The following DMD variants were observed in gnomAD, a reference collection of about 807,000 sequenced individuals.
DMD encodes mutant dystrophin.
DMD carries 63 observed loss-of-function variants against 330.1 expected under a neutral mutation model. The observed-to-expected ratio is 0.19, with a 90% CI of 0.16 to 0.24. DMD has a LOEUF of 0.24. Among genes scored for constraint, DMD ranks in the 10% least tolerant of loss-of-function variants. The pLI is 1.00. For synonymous variants in DMD, 1,223 were observed against 959.8 expected (o/e 1.27, Z -5.07); for missense variants, 3,344 against 2,684.1 (o/e 1.25, Z -5.43).
intron 43 of DMD, among the ~76,000 whole-genome samples, chrX:32,266,786 A>C (rs1297675786): frequency 1.8e-5 from 2 of 111,986 alleles, no homozygotes; most frequent in Non-Finnish European, 3.8e-5. Context: ...GCAGCCAATA[A>C]ATAGTTGTAT....
intron 52 of DMD, among the ~76,000 whole-genome samples, chrX:31,703,325 A>C (rs187581590): frequency 8.9e-6 from 1 of 112,452 alleles, no homozygotes; most frequent in African/African-American, 3.2e-5. Context: ...CTACACAGGA[A>C]GGAGCCCTAG....
chrX:31,320,710 G>C (rs1415557800), intron 62 of DMD, among the ~76,000 whole-genome samples: 2 of 111,942 alleles, frequency 1.8e-5, no homozygotes, highest in Non-Finnish European at 3.8e-5. Context: ...TACTGACAAT[G>C]TTCATTTTAT....
intron 1 of DMD, among the ~76,000 whole-genome samples, chrX:33,081,296 C>T (rs999521272): frequency 7.2e-5 from 8 of 111,537 alleles, no homozygotes; most frequent in African/African-American, 2.3e-4. Context: ...CTTTTTAAGA[C>T]GGAGTCTCGC....
At chrX:32,496,135 T>G (rs1389151589) in intron 19 of DMD, among the ~76,000 whole-genome samples, 1 of 112,160 alleles carries the variant, frequency 8.9e-6, no homozygotes, top group Non-Finnish European at 1.9e-5. Context: ...ATGCAAGTAC[T>G]TCAGAACTGC....
In DMD at chrX:32,615,706, T is replaced by A. The variant is rs775592935; in HGVS notation, c.1332-1253A>T. ...GTGCACACATAGCTGAGAGTGTTTT[T>A]TAACAGATTTAATTTTTTGGCTGTT... On this transcript the variant is annotated intron_variant, in intron 11 of 78. Transcript: ENST00000357033. 2.7e-5 allele frequency among the ~76,000 whole-genome samples: 3 copies of A among 111,365 alleles called. No homozygotes were observed. The East Asian group carries it at 8.5e-4, about 32-fold the overall frequency.
intron 63 of DMD, among the ~76,000 whole-genome samples, chrX:31,254,296 C>A (rs1488549211): frequency 9.1e-6 from 1 of 110,309 alleles, no homozygotes; most frequent in Non-Finnish European, 1.9e-5. Flanking sequence ...AAAAAGGAAC[C>A]ATTGGGGAAC....
At chrX:33,186,704 T>G (rs2148766886) in intron 1 of DMD, among the ~76,000 whole-genome samples, 1 of 111,610 alleles carries the variant, frequency 9.0e-6, no homozygotes, top group South Asian at 3.8e-4. Flanking sequence ...TATAAGAATA[T>G]TGAAGTAATC....
At chrX:32,509,860 A>C (rs751184834) in intron 18 of DMD, among the ~76,000 whole-genome samples, 3 of 110,946 alleles carry the variant, frequency 2.7e-5, no homozygotes, top group Non-Finnish European at 5.7e-5. Context: ...TGTTTAGGCC[A>C]AAAACAGAAT....
intron 45 of DMD, among the ~76,000 whole-genome samples, chrX:31,942,849 C>T (rs1347943994): frequency 8.9e-6 from 1 of 112,058 alleles, no homozygotes; most frequent in Non-Finnish European, 1.9e-5. Context: ...TAATAATCTC[C>T]TAATGACATC....
chrX:31,352,347 AGAG>A (rs756936898), intron 60 of DMD, among the ~76,000 whole-genome samples: 9 of 111,537 alleles, frequency 8.1e-5, no homozygotes, highest in Non-Finnish European at 1.7e-4. Context: ...TTGGGGGTAG[AGAG>A]GAGAAGATGA....
rs972121307 is a variant in DMD at position 33,005,266 on chromosome X, A to T, written c.93+14873T>A. ...TAATGTACAAACTTTTGGACTTTAC[A>T]CACACACAAACACACACACACACAC... is the stretch of plus-strand genomic sequence containing the variant. On this transcript the variant is annotated intron_variant, in intron 2 of 78. Coordinates refer to ENST00000357033, the MANE Select transcript of DMD (RefSeq NM_004006.3). Among the ~76,000 whole-genome samples, 3 of 81,117 alleles carry T rather than the reference A, an allele frequency of 3.7e-5. No individual in the cohort carries two copies. In the Admixed American group the frequency reaches 3.9e-4, roughly 11 times the overall value. 70.4% of individuals were successfully genotyped at this position (81,117 alleles called of 115,157 possible).
intron 7 of DMD, among the ~76,000 whole-genome samples, chrX:32,701,838 A>G (rs59367866): frequency 0.067 from 7,452 of 111,477 alleles, 572 homozygotes; most frequent in African/African-American, 0.22. Flanking sequence ...AATTTCAAAC[A>G]TTGTAATAAA....
At chrX:31,400,141 C>CA (rs2030783616) in intron 60 of DMD, among the ~76,000 whole-genome samples, 1 of 111,333 alleles carries the variant, frequency 9.0e-6, no homozygotes, top group African/African-American at 3.3e-5. Context: ...CTTGGGGCCT[C>CA]AAAATCACCA....
intron 2 of DMD, among the ~76,000 whole-genome samples, chrX:32,974,174 G>A (rs1224551016): frequency 9.0e-6 from 1 of 111,657 alleles, no homozygotes; most frequent in African/African-American, 3.3e-5. Flanking sequence ...TATGCAAAAT[G>A]AAAGATTACA....
chrX:32,631,447 G>A (rs1310615851), intron 11 of DMD, among the ~76,000 whole-genome samples: 1 of 111,841 alleles, frequency 8.9e-6, no homozygotes, highest in Admixed American at 9.4e-5. Flanking sequence ...GGGTTTGCAA[G>A]ATCCTATATG....
At chrX:32,746,973 C>A (rs2070112879) in intron 7 of DMD, among the ~76,000 whole-genome samples, 2 of 111,843 alleles carry the variant, frequency 1.8e-5, no homozygotes, top group Admixed American at 1.9e-4. Flanking sequence ...TCTCTTCGTG[C>A]CCGACTTATT....
intron 52 of DMD, among the ~76,000 whole-genome samples, chrX:31,725,330 T>C (rs1301267972): frequency 8.9e-6 from 1 of 111,839 alleles, no homozygotes; most frequent in East Asian, 2.8e-4. Context: ...TTATAGATCT[T>C]ATTCCATCTT....
intron 62 of DMD, among the ~76,000 whole-genome samples, chrX:31,284,576 T>TTCTTCTTCTTCTTCTTCTTCTTCTTC: frequency 2.2e-5 from 2 of 92,354 alleles, no homozygotes; most frequent in African/African-American, 8.6e-5. Flanking sequence ...CTTCTTCTTC[T>TTCTTCTTCTTCTTCTTCTTCTTCTTC]TCTTCTTCTT....
chrX:32,428,801 G>A (rs888744816), intron 29 of DMD, among the ~76,000 whole-genome samples: 3 of 111,040 alleles, frequency 2.7e-5, no homozygotes, highest in Non-Finnish European at 3.8e-5. Flanking sequence ...TAGCAGAGAC[G>A]GGGTTTCACC....
Sources: allele counts gnomAD v4.1 joint callset (sites outside exome capture counted in the v4.1 genomes callset), GRCh38; gene constraint gnomAD v4.1.1; transcripts MANE v1.5; gene names NCBI Gene and HGNC (gene_info 2026-07-23, HGNC 2026-07-21).